Variants in ZNF354C observed in about 807,000 individuals in gnomAD.
ZNF354C encodes zinc finger protein 354C.
In ZNF354C, 7 loss-of-function variants were observed where a neutral mutation model predicts 12.4. That is an observed-to-expected ratio of 0.56 (90% CI 0.32 to 1.06). The LOEUF (loss-of-function observed/expected upper bound fraction) is 1.06. Ranked by LOEUF, ZNF354C falls within the 50% of genes least tolerant of loss-of-function variation. ZNF354C has a pLI of 0.04. For missense variants in ZNF354C, 609 were observed against 658.0 expected (o/e 0.93, Z 0.81); for synonymous variants, 202 against 224.5 (o/e 0.90, Z 0.90).
chr5:179,071,168 A>G (rs1460816181), intron 2 of ZNF354C, among the ~76,000 whole-genome samples: 1 of 151,644 alleles, frequency 6.6e-6, no homozygotes, highest in Middle Eastern at 3.2e-3. Flanking sequence ...CTTTTTTTAA[A>G]TGCCGGCAGG....
chr5:179,079,678 G>A lies in ZNF354C; in HGVS notation c.1246G>A (p.Glu416Lys), dbSNP rs756716831. Residue 416 changes from glutamate (E) to lysine (K), a missense_variant, in exon 5 of 5, where the codon GAA becomes AAA. Glu to Lys is a moderately conservative substitution (Grantham distance 56, BLOSUM62 1). Transcript: ENST00000315475. This position sits in a 1 kb window ranked among gnomAD's most constrained non-coding sequence, Gnocchi z 4.2. ...HTGQKPYQCN[E>K]CEKAFNQYSS... ...TGGACAAAAACCTTATCAGTGCAAC[G>A]AATGTGAGAAAGCCTTCAACCAGTA... 1.9e-5 allele frequency: 30 copies of A among 1,614,030 alleles called. No homozygotes were observed. The highest frequency in any genetic ancestry group is 2.3e-5 in the Non-Finnish European group (27 of 1,180,040).
intron 4 of ZNF354C, 47 bp downstream of exon 4, chr5:179,077,213 A>G: frequency 6.7e-7 from 1 of 1,483,218 alleles, no homozygotes; most frequent in African/African-American, 1.4e-5. Context: ...TTTATAGACA[A>G]GTAGGTCACA....
Position 179,079,616 on chromosome 5 carries a change from G to T in ZNF354C, c.1184G>T (p.Arg395Leu). Residue 395 changes from arginine to leucine, a missense_variant, in exon 5 of 5, where the codon CGT becomes CTT. Coordinates refer to ENST00000315475, the MANE Select transcript of ZNF354C (RefSeq NM_014594.3). The surrounding 1 kb of genome is among the most constrained non-coding windows in gnomAD (Gnocchi z 4.2). The part of the protein sequence containing the change: ...TCLECGRTFT[R>L]IVTLIEHQRI... Reference sequence around the variant, plus strand: ...TTGGAATGTGGGAGAACCTTCACACGTATTGTAACCCTTATCGAACATCAG... The same window carrying T: ...TTGGAATGTGGGAGAACCTTCACACTTATTGTAACCCTTATCGAACATCAG... 1 of 1,614,124 alleles carries T rather than the reference G, an allele frequency of 6.2e-7. No individual in the cohort carries two copies. Among genetic ancestry groups the T allele is most frequent in the Non-Finnish European group, 8.5e-7 (1 of 1,180,014 alleles).
Position 179,078,624 on chromosome 5 carries a change from C to T in ZNF354C, c.251-59C>T, listed in dbSNP as rs113545239. On this transcript the variant is annotated intron_variant, in intron 4 of 4. Transcript: ENST00000315475. ...ACTGTTACCAGTTTTTTTGTCTCAC[C>T]GATACATCAGTTTGTTTCTTCCAGC... The T allele has an allele frequency of 5.5e-4, 762 of 1,389,714 alleles. 7 individuals carry two copies. The African/African-American group carries it at 8.8e-3, about 16-fold the overall frequency. The allele number at this position is 1,389,714 out of a possible 1,614,324, so 86.1% of individuals were successfully genotyped here.
rs1449557096 is a variant in ZNF354C at position 179,068,018 on chromosome 5, G to A, written c.27+5923G>A. 2.0e-5 allele frequency among the ~76,000 whole-genome samples: 3 copies of A among 152,246 alleles called. No individual in the cohort carries two copies. In the East Asian group the frequency reaches 5.8e-4, roughly 29 times the overall value. ...CTACAGAAAAACAAGAGAATTATCT[G>A]GGCATGATGGTGCACATCTATAGTC... On this transcript the variant is annotated intron_variant, in intron 2 of 4. Coordinates refer to ENST00000315475, the MANE Select transcript of ZNF354C (RefSeq NM_014594.3).
In ZNF354C at chr5:179,062,044, G is replaced by A. The variant is rs924922962; in HGVS notation, c.-25G>A. 10 of 1,613,894 alleles carry A rather than the reference G, an allele frequency of 6.2e-6. No individual in the cohort carries two copies. The highest frequency in any genetic ancestry group is 1.3e-5 in the African/African-American group (1 of 74,908). ...ACCGTGTCCACACTCTGCTCTCCCT[G>A]GGCAGGAAGACTGAGGAGGAAGGGA... On this transcript the variant is annotated 5_prime_UTR_variant, in exon 2 of 5. Transcript: ENST00000315475.
At position 179,079,422 on chromosome 5, in the gene ZNF354C, C is replaced by T. The variant is rs373125160; in HGVS notation, c.990C>T (p.Cys330=). The change falls in exon 5 of 5, where the codon TGC becomes TGT. Residue 330 remains cysteine (C), a synonymous_variant. Coordinates refer to ENST00000315475, the MANE Select transcript of ZNF354C (RefSeq NM_014594.3). The surrounding 1 kb of genome is among the most constrained non-coding windows in gnomAD (Gnocchi z 4.2). The part of the protein sequence containing the change: ...RIHTGEKLYK[C]GECEKAFNCR... Reference sequence around the variant, plus strand: ...ATACTGGAGAGAAACTCTATAAATGCGGCGAATGTGAGAAGGCCTTCAACT... The same window carrying T: ...ATACTGGAGAGAAACTCTATAAATGTGGCGAATGTGAGAAGGCCTTCAACT... 5.6e-5 allele frequency: 90 copies of T among 1,613,370 alleles called. No homozygotes were observed. Among genetic ancestry groups the T allele is most frequent in the African/African-American group, 8.0e-5 (6 of 74,708 alleles).
intron 2 of ZNF354C, among the ~76,000 whole-genome samples, chr5:179,072,151 A>G (rs1206834926): frequency 6.6e-6 from 1 of 152,134 alleles, no homozygotes; most frequent in East Asian, 1.9e-4. Flanking sequence ...AGCAACTACT[A>G]TAACTGTGCT....
intron 2 of ZNF354C, among the ~76,000 whole-genome samples, chr5:179,072,855 TTGTA>T (rs1341088301): frequency 6.6e-6 from 1 of 152,190 alleles, no homozygotes; most frequent in East Asian, 1.9e-4. Flanking sequence ...TATGTATATG[TTGTA>T]TGTGTGTGTA....
intron 2 of ZNF354C, among the ~76,000 whole-genome samples, chr5:179,066,336 A>C (rs1266085504): frequency 6.6e-6 from 1 of 152,240 alleles, no homozygotes. Flanking sequence ...TCACTCATCC[A>C]TATGCTATCA....
chr5:179,062,364 G>A (rs1346133721), intron 2 of ZNF354C, among the ~76,000 whole-genome samples: 1 of 152,146 alleles, frequency 6.6e-6, no homozygotes, highest in East Asian at 1.9e-4. Flanking sequence ...CACTACACTG[G>A]TGCTGGGTGG....
intron 2 of ZNF354C, among the ~76,000 whole-genome samples, chr5:179,064,728 G>A (rs1378585067): frequency 6.6e-6 from 1 of 151,938 alleles, no homozygotes; most frequent in East Asian, 1.9e-4. Flanking sequence ...TAACCCTTTT[G>A]ATTAAGTCTC....
intron 2 of ZNF354C, among the ~76,000 whole-genome samples, chr5:179,066,546 A>T (rs941565274): frequency 6.6e-6 from 1 of 152,230 alleles, no homozygotes. Context: ...ACTGCTGGTA[A>T]TGAATTCCCT....
chr5:179,067,024 A>G (rs570267488), intron 2 of ZNF354C, among the ~76,000 whole-genome samples: 1 of 152,358 alleles, frequency 6.6e-6, no homozygotes, highest in South Asian at 2.1e-4. Context: ...TTAACATGGA[A>G]GGATATACAT....
In ZNF354C at chr5:179,079,485, A is replaced by C. The variant is rs748844623; in HGVS notation, c.1053A>C (p.Thr351=). ...AKLHRHQRIH[T]GEKPYKCSEC... is the part of the protein sequence containing the mutation. Reference sequence around the variant, plus strand: ...TTCACAGGCATCAAAGAATCCATACAGGTGAGAAACCCTATAAATGTAGTG... The same window carrying C: ...TTCACAGGCATCAAAGAATCCATACCGGTGAGAAACCCTATAAATGTAGTG... Residue 351 remains threonine (T), a synonymous_variant, in exon 5 of 5, where the codon ACA becomes ACC. Transcript: ENST00000315475. This position sits in a 1 kb window ranked among gnomAD's most constrained non-coding sequence, Gnocchi z 4.2. 1 of 1,614,176 alleles carries C rather than the reference A, an allele frequency of 6.2e-7. No homozygotes were observed. The highest frequency in any genetic ancestry group is 1.7e-5 in the Admixed American group (1 of 60,026).
Position 179,079,592 on chromosome 5 carries a change from T to C in ZNF354C, c.1160T>C (p.Leu387Ser). Residue 387 changes from leucine to serine, a missense_variant, in exon 5 of 5, where the codon TTG (leucine) becomes TCG (serine). Transcript: ENST00000315475. This position sits in a 1 kb window ranked among gnomAD's most constrained non-coding sequence, Gnocchi z 4.2. ...FHTGEQLYTC[L>S]ECGRTFTRIV... Reference sequence around the variant, plus strand: ...ACTGGAGAACAACTGTATACATGCTTGGAATGTGGGAGAACCTTCACACGT... The same window carrying C: ...ACTGGAGAACAACTGTATACATGCTCGGAATGTGGGAGAACCTTCACACGT... 2.5e-6 allele frequency: 4 copies of C among 1,614,110 alleles called. No individual in the cohort carries two copies. The highest frequency in any genetic ancestry group is 3.4e-6 in the Non-Finnish European group (4 of 1,180,018).
intron 2 of ZNF354C, among the ~76,000 whole-genome samples, chr5:179,071,546 TA>T (rs1762052450): frequency 6.6e-6 from 1 of 152,144 alleles, no homozygotes; most frequent in Non-Finnish European, 1.5e-5. Flanking sequence ...AGCAGACAGA[TA>T]TTAGACACCT....
In ZNF354C at chr5:179,062,018, C is replaced by G; in HGVS notation, c.-51C>G. Reference sequence around the variant, plus strand: ...TTGACACCTTTTTCCTCTGCAGACCCACCGTGTCCACACTCTGCTCTCCCT... The same window carrying G: ...TTGACACCTTTTTCCTCTGCAGACCGACCGTGTCCACACTCTGCTCTCCCT... On this transcript the variant is annotated 5_prime_UTR_variant, in exon 2 of 5. Transcript: ENST00000315475. The G allele has an allele frequency of 6.2e-7, 1 of 1,609,256 alleles. No individual in the cohort carries two copies. Among genetic ancestry groups the G allele is most frequent in the Non-Finnish European group, 8.5e-7 (1 of 1,176,004 alleles).
chr5:179,062,310 C>A (rs1167748865), intron 2 of ZNF354C, among the ~76,000 whole-genome samples: 1 of 152,174 alleles, frequency 6.6e-6, no homozygotes, highest in African/African-American at 2.4e-5. Context: ...TCACCCCGCT[C>A]ACTCTGTGAT....
Sources: allele counts gnomAD v4.1 joint callset (sites outside exome capture counted in the v4.1 genomes callset), GRCh38; gene constraint gnomAD v4.1.1; non-coding constraint Gnocchi (gnomAD v3.1); transcripts MANE v1.5; gene names NCBI Gene and HGNC (gene_info 2026-07-23, HGNC 2026-07-21).